Variants in KCNQ5 observed in about 807,000 individuals in gnomAD.
KCNQ5 encodes potassium voltage-gated channel subfamily Q member 5, also known as potassium voltage-gated channel subfamily KQT member 5.
A neutral mutation model predicts 98.2 loss-of-function variants in KCNQ5; 30 were observed. That is an observed-to-expected ratio of 0.31 (90% CI 0.23 to 0.41). The LOEUF is 0.41. KCNQ5 is among the 10% of genes least tolerant of loss of function. The probability of loss-of-function intolerance (pLI) is 1.00; values close to 1 mark genes in which losing one functional copy is unlikely to be tolerated. For synonymous variants in KCNQ5, 458 were observed against 449.4 expected, an observed-to-expected ratio of 1.02 and a Z score of -0.24; for missense variants, 835 against 1,182.5, an observed-to-expected ratio of 0.71 and a Z score of 4.31.
chr6:72,759,430 G>A (rs1359331551), intron 1 of KCNQ5, among the ~76,000 whole-genome samples: 1 of 152,094 alleles, frequency 6.6e-6, no homozygotes, highest in Non-Finnish European at 1.5e-5. Flanking sequence ...TTAAAGGAGG[G>A]CCATACAATA....
chr6:72,872,520 A>C (rs1362071856), intron 1 of KCNQ5, among the ~76,000 whole-genome samples: 1 of 152,126 alleles, frequency 6.6e-6, no homozygotes, highest in Non-Finnish European at 1.5e-5. Context: ...TTGTTTCAAG[A>C]TCTTTACATG....
At chr6:73,172,368 T>C (rs560438098) in intron 11 of KCNQ5, among the ~76,000 whole-genome samples, 3 of 151,860 alleles carry the variant, frequency 2.0e-5, no homozygotes, top group Non-Finnish European at 4.4e-5. Context: ...GTCTCAAAAA[T>C]AAAAATAAAA....
chr6:72,701,563 T>G (rs1243714702), intron 1 of KCNQ5, among the ~76,000 whole-genome samples: 1 of 152,080 alleles, frequency 6.6e-6, no homozygotes, highest in East Asian at 1.9e-4. Context: ...GGGGCGGTTC[T>G]TTTTTTGATT....
intron 1 of KCNQ5, among the ~76,000 whole-genome samples, chr6:72,838,949 CAA>C (rs67894922): frequency 2.5e-3 from 144 of 58,714 alleles, no homozygotes; most frequent in African/African-American, 8.0e-3. Flanking sequence ...GACTCCGTCT[CAA>C]AAAAAAAAAA....
At chr6:73,190,105 A>G (rs1052355556) in intron 11 of KCNQ5, among the ~76,000 whole-genome samples, 2 of 152,230 alleles carry the variant, frequency 1.3e-5, no homozygotes, top group African/African-American at 4.8e-5. Flanking sequence ...AAATTTCCAT[A>G]TTAATGTACA....
At chr6:73,120,615 C>A in intron 8 of KCNQ5, 38 bp downstream of exon 8, 2 of 1,378,288 alleles carry the variant, frequency 1.5e-6, no homozygotes, top group Non-Finnish European at 2.1e-6. Flanking sequence ...GTAGTTGAGT[C>A]TTTTCAAGTC....
rs1226272243 is a variant in KCNQ5, at chr6:73,036,026, TG to T, written c.490-5909del. 2.7e-3 allele frequency among the ~76,000 whole-genome samples: 398 copies of T among 147,280 alleles called. 2 individuals are homozygous for T. The highest frequency in any genetic ancestry group is 4.6e-3 in the Non-Finnish European group (304 of 66,152). On this transcript the variant is annotated intron_variant, in intron 2 of 13. Coordinates refer to ENST00000370398, the MANE Select transcript of KCNQ5 (RefSeq NM_019842.4). ...GTGTGTGTGTGTGTGTGTGTGTGTG[TG>T]TGTATTGGCTCTGTACAGTTTTATC...
chr6:72,799,282 A>C (rs1774507510), intron 1 of KCNQ5, among the ~76,000 whole-genome samples: 1 of 152,178 alleles, frequency 6.6e-6, no homozygotes, highest in South Asian at 2.1e-4. Context: ...CTTTTGGCCA[A>C]TTGAATGAGG....
At chr6:72,857,360 ATCAT>A (rs1777575587) in intron 1 of KCNQ5, among the ~76,000 whole-genome samples, 1 of 152,170 alleles carries the variant, frequency 6.6e-6, no homozygotes, top group African/African-American at 2.4e-5. Flanking sequence ...ACACAGATCA[ATCAT>A]AATTTTTTCC....
intron 1 of KCNQ5, among the ~76,000 whole-genome samples, chr6:72,791,677 C>T (rs558067147): frequency 5.9e-5 from 9 of 152,216 alleles, no homozygotes; most frequent in East Asian, 1.9e-4. Context: ...GACTGGGTGA[C>T]GTATAGAGAA....
intron 1 of KCNQ5, among the ~76,000 whole-genome samples, chr6:72,716,251 A>T (rs1426193810): frequency 1.3e-5 from 2 of 152,244 alleles, no homozygotes; most frequent in Admixed American, 6.5e-5. Context: ...AAATATTTAA[A>T]TGGCTGTTCA....
At chr6:73,075,457 A>G (rs1436510938) in intron 3 of KCNQ5, among the ~76,000 whole-genome samples, 1 of 152,084 alleles carries the variant, frequency 6.6e-6, no homozygotes, top group African/African-American at 2.4e-5. Flanking sequence ...TCCTGACCTC[A>G]TGATCCGCCC....
At chr6:72,898,396 A>G (rs1157201402) in intron 1 of KCNQ5, among the ~76,000 whole-genome samples, 3 of 151,694 alleles carry the variant, frequency 2.0e-5, no homozygotes, top group Non-Finnish European at 2.9e-5. Context: ...TCATTGTTCA[A>G]CTCCCACTTA....
At chr6:73,165,770 C>T (rs575842687) in intron 10 of KCNQ5, among the ~76,000 whole-genome samples, 1 of 151,970 alleles carries the variant, frequency 6.6e-6, no homozygotes, top group South Asian at 2.1e-4. Flanking sequence ...CATGGTGAAA[C>T]CCCGTCTCTA....
At chr6:72,737,939 A>C (rs997457636) in intron 1 of KCNQ5, among the ~76,000 whole-genome samples, 4 of 152,110 alleles carry the variant, frequency 2.6e-5, no homozygotes, top group Admixed American at 1.3e-4. Flanking sequence ...GTGGATCACA[A>C]GGTCAGGAGA....
intron 1 of KCNQ5, among the ~76,000 whole-genome samples, chr6:72,809,978 T>A (rs1158540703): frequency 6.6e-6 from 1 of 152,190 alleles, no homozygotes; most frequent in Non-Finnish European, 1.5e-5. Context: ...GCTTCTGTTG[T>A]GACTTTTAAT....
intron 1 of KCNQ5, among the ~76,000 whole-genome samples, chr6:72,957,222 G>T (rs1183342851): frequency 6.7e-6 from 1 of 148,488 alleles, no homozygotes; most frequent in East Asian, 2.0e-4. Flanking sequence ...CCAGGCTGGA[G>T]TGCAGTGGCA....
intron 1 of KCNQ5, among the ~76,000 whole-genome samples, chr6:72,943,030 C>G (rs1236227772): frequency 6.6e-6 from 1 of 152,058 alleles, no homozygotes; most frequent in Non-Finnish European, 1.5e-5. Context: ...ATGATCATAC[C>G]ATTGATGCAA....
chr6:73,030,719 A>C lies in KCNQ5; in HGVS notation c.490-11217A>C, dbSNP rs531741051. ...GAGATTTCTCCCAGTGGCACATGGC[A>C]GTCCACAAGAAGACTAGGGGCAGGG... On this transcript the variant is annotated intron_variant, in intron 2 of 13. Transcript: ENST00000370398. Among the ~76,000 whole-genome samples the C allele has an allele frequency of 1.3e-3, 200 of 152,338 alleles. 1 individual carries two copies. Among genetic ancestry groups the C allele is most frequent in the African/African-American group, 4.3e-3 (177 of 41,576 alleles).
Sources: allele counts gnomAD v4.1 joint callset (sites outside exome capture counted in the v4.1 genomes callset), GRCh38; gene constraint gnomAD v4.1.1; transcripts MANE v1.5; gene names NCBI Gene and HGNC (gene_info 2026-07-23, HGNC 2026-07-21).